The following KANSL1 variants were observed in gnomAD, a reference collection of about 807,000 sequenced individuals.
KANSL1 encodes the protein KAT8 regulatory NSL complex subunit 1.
A neutral mutation model predicts 103.6 loss-of-function variants in KANSL1; 22 were observed. The observed-to-expected ratio is 0.21, with a 90% CI of 0.15 to 0.30. The LOEUF is 0.30. Ranked by LOEUF, KANSL1 falls within the 10% of genes least tolerant of loss-of-function variation. The probability of loss-of-function intolerance (pLI) is 1.00; values close to 1 mark genes in which losing one functional copy is unlikely to be tolerated. For missense variants in KANSL1, 1,337 were observed against 1,399.8 expected (o/e 0.96, Z 0.72); for synonymous variants, 600 against 527.6 (o/e 1.14, Z -1.88).
chr17:46,155,011 T>C (rs1467952540), intron 2 of KANSL1, among the ~76,000 whole-genome samples: 4 of 152,208 alleles, frequency 2.6e-5, no homozygotes, highest in African/African-American at 7.2e-5. Flanking sequence ...CAATGCTTAC[T>C]ATACAATTAA....
chr17:46,081,418 A>G (rs1156568551), intron 4 of KANSL1, among the ~76,000 whole-genome samples: 2 of 150,912 alleles, frequency 1.3e-5, no homozygotes, highest in African/African-American at 2.5e-5. Context: ...CAATGAACTT[A>G]TATTATAGAC....
At chr17:46,177,900 C>T (rs1449004344) in intron 1 of KANSL1, among the ~76,000 whole-genome samples, 4 of 152,138 alleles carry the variant, frequency 2.6e-5, no homozygotes, top group Non-Finnish European at 5.9e-5. Flanking sequence ...GCCTCAGCCT[C>T]CCCAGTAGCT....
intron 1 of KANSL1, among the ~76,000 whole-genome samples, chr17:46,215,934 G>A (rs553657958): frequency 2.6e-5 from 4 of 152,260 alleles, no homozygotes; most frequent in East Asian, 1.9e-4. Flanking sequence ...CCAGCTACCC[G>A]GAGGCTGAGG....
chr17:46,045,512 T>C (rs542231626), intron 7 of KANSL1: 2 of 151,870 alleles, frequency 1.3e-5, no homozygotes, highest in African/African-American at 2.4e-5. Context: ...CCCAGGGCCA[T>C]AGCTAGAAGC....
intron 6 of KANSL1, among the ~76,000 whole-genome samples, chr17:46,051,163 C>T (rs769385778): frequency 8.5e-5 from 13 of 152,130 alleles, no homozygotes; most frequent in Non-Finnish European, 1.9e-4. Flanking sequence ...AATTACCAAC[C>T]ACACCTCTTC....
chr17:46,162,867 C>A (rs1238406777), intron 2 of KANSL1, among the ~76,000 whole-genome samples: 2 of 152,266 alleles, frequency 1.3e-5, no homozygotes, highest in Non-Finnish European at 2.9e-5. Flanking sequence ...ATACACTATA[C>A]TTTGCTCTGT....
chr17:46,167,530 C>G (rs2532282), intron 2 of KANSL1, among the ~76,000 whole-genome samples: 18,685 of 150,204 alleles, frequency 0.12, 22 homozygotes, highest in Middle Eastern at 0.19. Flanking sequence ...TCAAACACAA[C>G]GTACTGCAGA....
intron 1 of KANSL1, among the ~76,000 whole-genome samples, chr17:46,213,867 G>A (rs567430688): frequency 1.6e-3 from 244 of 151,992 alleles, no homozygotes; most frequent in African/African-American, 5.5e-3. Flanking sequence ...GCAGTGAGCC[G>A]AGACTGCGCC....
At chr17:46,100,677 T>C (rs2042274148) in intron 2 of KANSL1, among the ~76,000 whole-genome samples, 1 of 152,232 alleles carries the variant, frequency 6.6e-6, no homozygotes, top group Non-Finnish European at 1.5e-5. Context: ...TTGAACCACA[T>C]GGAACACCAC....
chr17:46,134,897 G>A (rs1195850311), intron 2 of KANSL1, among the ~76,000 whole-genome samples: 2 of 152,128 alleles, frequency 1.3e-5, no homozygotes, highest in Non-Finnish European at 2.9e-5. Context: ...GGAAAGAGGA[G>A]GATGTTGAGA....
chr17:46,148,682 G>A (rs905142302), intron 2 of KANSL1, among the ~76,000 whole-genome samples: 8 of 151,658 alleles, frequency 5.3e-5, no homozygotes, highest in Non-Finnish European at 8.8e-5. Flanking sequence ...TACCTCCTGG[G>A]TTCAATTGAT....
intron 6 of KANSL1, among the ~76,000 whole-genome samples, chr17:46,057,701 A>C (rs1334671021): frequency 2.0e-5 from 3 of 152,222 alleles, no homozygotes; most frequent in Non-Finnish European, 2.9e-5. Context: ...TTTTAAATGC[A>C]CTAAAAATAA....
chr17:46,158,967 G>A (rs887976118), intron 2 of KANSL1, among the ~76,000 whole-genome samples: 2 of 152,184 alleles, frequency 1.3e-5, no homozygotes, highest in South Asian at 2.1e-4. Flanking sequence ...GGTCCACTCA[G>A]AACCTTACGC....
At chr17:46,172,659 A>G (rs1437507836) in intron 1 of KANSL1, among the ~76,000 whole-genome samples, 1 of 152,264 alleles carries the variant, frequency 6.6e-6, no homozygotes. Flanking sequence ...TTCACTAAAA[A>G]AAGTATGCCA....
intron 2 of KANSL1, among the ~76,000 whole-genome samples, chr17:46,130,833 T>C (rs143420940): frequency 4.2e-4 from 64 of 152,312 alleles, no homozygotes; most frequent in African/African-American, 1.3e-3. Context: ...ACAGCTAACT[T>C]TGAACACATC....
upstream of KANSL1, among the ~76,000 whole-genome samples, chr17:46,224,057 C>A (rs866743592): frequency 3.6e-4 from 55 of 152,016 alleles, no homozygotes; most frequent in Middle Eastern, 6.8e-3. Context: ...AAACAATTAG[C>A]CAAAATCCCA....
intron 1 of KANSL1, among the ~76,000 whole-genome samples, chr17:46,207,742 C>A (rs2048019653): frequency 6.6e-6 from 1 of 152,194 alleles, no homozygotes; most frequent in Non-Finnish European, 1.5e-5. Flanking sequence ...CTTTGGGAGG[C>A]CAAGGTGCGG....
In KANSL1 at chr17:46,106,218, T is replaced by C. The variant is rs567965103; in HGVS notation, c.1290-11517A>G. On this transcript the variant is annotated intron_variant, in intron 2 of 14. Coordinates refer to ENST00000432791, the MANE Select transcript of KANSL1 (RefSeq NM_015443.4). The stretch of plus-strand genomic sequence containing the variant: ...CCCACCACTTAGCTAGCTATTATCA[T>C]TGAGCCCCCAGTCAGCTACTGAGAA... 3.9e-5 allele frequency among the ~76,000 whole-genome samples: 6 copies of C among 152,312 alleles called. No homozygotes were observed. The South Asian group carries it at 8.3e-4, about 21-fold the overall frequency.
At chr17:46,170,751 A>T in intron 2 of KANSL1, 104 bp downstream of exon 2, 1 of 1,268,282 alleles carries the variant, frequency 7.9e-7, no homozygotes, top group Non-Finnish European at 1.1e-6. Context: ...CAGAACCTAG[A>T]CACCTATGTA....
Sources: gnomAD v4.1 joint callset for allele counts (sites outside exome capture counted in the v4.1 genomes callset) on GRCh38, gnomAD v4.1.1 for gene constraint, MANE v1.5 for transcripts, NCBI Gene and HGNC (gene_info 2026-07-23, HGNC 2026-07-21) for gene names.